The following JADE1 variants were observed in gnomAD, a reference collection of about 807,000 sequenced individuals.
The protein encoded by JADE1 is protein Jade-1.
In JADE1, 14 loss-of-function variants were observed where a neutral mutation model predicts 81.8. The ratio of observed to expected loss-of-function variants is 0.17; its 90% confidence interval spans 0.11 to 0.27. JADE1 has a LOEUF of 0.27. Among genes scored for constraint, JADE1 ranks in the 10% least tolerant of loss-of-function variants. JADE1 has a pLI of 1.00. For synonymous variants in JADE1, 353 were observed against 391.9 expected (o/e 0.90, Z 1.17); for missense variants, 690 against 1,047.9 (o/e 0.66, Z 4.71).
rs541702058 is a variant in JADE1, at chr4:128,849,652, C to G, written c.484+485C>G. On this transcript the variant is annotated intron_variant, in intron 5 of 10. Transcript: ENST00000226319. ...GATTTTCCTTATGTCATGCTGCAAA[C>G]CTGGAGTTCTTTTTCCCTCCGTTTA... 1.5e-3 allele frequency among the ~76,000 whole-genome samples: 225 copies of G among 152,322 alleles called. 1 individual carries two copies. Among genetic ancestry groups the G allele is most frequent in the Admixed American group, 2.2e-3 (34 of 15,292 alleles).
At chr4:128,818,717 G>A (rs1437371577) in intron 1 of JADE1, among the ~76,000 whole-genome samples, 1 of 152,186 alleles carries the variant, frequency 6.6e-6, no homozygotes, top group Admixed American at 6.5e-5. Flanking sequence ...GATATTTATG[G>A]ATATAGAAAT....
intron 2 of JADE1, among the ~76,000 whole-genome samples, chr4:128,833,050 T>A (rs1296771846): frequency 6.6e-6 from 1 of 152,162 alleles, no homozygotes; most frequent in Non-Finnish European, 1.5e-5. Context: ...CTGCTGATGT[T>A]GGCAGCAGGA....
intron 10 of JADE1, among the ~76,000 whole-genome samples, chr4:128,869,845 C>T (rs976498173): frequency 2.0e-5 from 3 of 152,150 alleles, no homozygotes; most frequent in Non-Finnish European, 4.4e-5. Context: ...CTTTAGGGTG[C>T]TTTTTTTCTT....
At position 128,831,818 on chromosome 4, in the gene JADE1, C is replaced by T; in HGVS notation, c.52+8C>T. On this transcript the variant is annotated splice_region_variant and intron_variant, in intron 2 of 10. Coordinates refer to ENST00000226319, the MANE Select transcript of JADE1 (RefSeq NM_199320.4). ...ATTCTGACGACAATGGCAGTAAGTCCTGCTTTGTTGTTCTTGGAGCCTACC... is the reference window on the plus strand; with the variant it reads ...ATTCTGACGACAATGGCAGTAAGTCTTGCTTTGTTGTTCTTGGAGCCTACC... 6.2e-7 allele frequency: 1 copy of T among 1,613,216 alleles called. No homozygotes were observed. The highest frequency in any genetic ancestry group is 8.5e-7 in the Non-Finnish European group (1 of 1,179,188).
chr4:128,846,569 C>G lies in JADE1; in HGVS notation c.296+37C>G. On this transcript the variant is annotated intron_variant, in intron 4 of 10. Transcript: ENST00000226319. The surrounding 1 kb of genome is among the most constrained non-coding windows in gnomAD (Gnocchi z 4.0). Reference sequence around the variant, plus strand: ...CTGAGGACAGAAGCCTCTCCACCCACCCTTGCTCTTCTTCCCTGACAGCAG... The same window carrying G: ...CTGAGGACAGAAGCCTCTCCACCCAGCCTTGCTCTTCTTCCCTGACAGCAG... 3 of 1,607,188 alleles carry G rather than the reference C, an allele frequency of 1.9e-6. No individual in the cohort carries two copies. The highest frequency in any genetic ancestry group is 1.1e-5 in the South Asian group (1 of 90,822).
At chr4:128,847,135 G>A (rs1485401244) in intron 4 of JADE1, among the ~76,000 whole-genome samples, 2 of 152,126 alleles carry the variant, frequency 1.3e-5, no homozygotes, top group Non-Finnish European at 2.9e-5. Flanking sequence ...AGTCCCTGCC[G>A]ACTCTCCTCA....
intron 2 of JADE1, among the ~76,000 whole-genome samples, chr4:128,837,934 A>G (rs935861753): frequency 6.6e-6 from 1 of 152,236 alleles, no homozygotes; most frequent in South Asian, 2.1e-4. Flanking sequence ...CCTTTCATGC[A>G]TGGCACAACA....
chr4:128,831,605 C>A, intron 1 of JADE1, 128 bp from the exon 2 acceptor site: 1 of 733,078 alleles, frequency 1.4e-6, no homozygotes, highest in Non-Finnish European at 2.4e-6. Flanking sequence ...TTACTGTTTA[C>A]AATTCAAATG....
chr4:128,862,453 A>G (rs1579231808), intron 9 of JADE1: 4 of 1,395,634 alleles, frequency 2.9e-6, no homozygotes, highest in Admixed American at 3.0e-5. Context: ...TTTTTTTTTA[A>G]AAACACTTTC....
chr4:128,812,857 T>A (rs1726606216), intron 1 of JADE1, among the ~76,000 whole-genome samples: 1 of 152,254 alleles, frequency 6.6e-6, no homozygotes, highest in African/African-American at 2.4e-5. Context: ...AATTTTCTTT[T>A]GTAAAATGAC....
intron 5 of JADE1, among the ~76,000 whole-genome samples, chr4:128,850,027 C>T (rs1210224400): frequency 6.6e-6 from 1 of 152,112 alleles, no homozygotes; most frequent in Non-Finnish European, 1.5e-5. Flanking sequence ...GGCTTGTTGG[C>T]TCATGTCTGT....
At chr4:128,834,530 CTTTTTTTTTTT>C (rs202245727) in intron 2 of JADE1, among the ~76,000 whole-genome samples, 5 of 99,220 alleles carry the variant, frequency 5.0e-5, no homozygotes, top group African/African-American at 1.8e-4. Context: ...CCAAATATTT[CTTTTTTTTTTT>C]TTTTTTTTTT....
intron 1 of JADE1, chr4:128,810,436 G>C (rs1726238444): frequency 6.8e-6 from 1 of 147,780 alleles, no homozygotes; most frequent in Non-Finnish European, 1.5e-5. Flanking sequence ...GTTTAAGTTG[G>C]CTTTAGTTTA....
chr4:128,855,853 C>G (rs886293358), intron 7 of JADE1, 56 bp downstream of exon 7: 15 of 1,484,462 alleles, frequency 1.0e-5, no homozygotes, highest in Non-Finnish European at 1.3e-5. Context: ...GAGTTTAACT[C>G]TGTCGCCCAG....
intron 1 of JADE1, among the ~76,000 whole-genome samples, chr4:128,823,442 G>A (rs140166950): frequency 3.3e-5 from 5 of 152,306 alleles, no homozygotes; most frequent in African/African-American, 1.2e-4. Flanking sequence ...GGCTTTATGA[G>A]TAATGCTCCT....
At chr4:128,855,874 A>G in intron 7 of JADE1, 77 bp downstream of exon 7, 1 of 1,328,818 alleles carries the variant, frequency 7.5e-7, no homozygotes, top group Non-Finnish European at 1.0e-6. Flanking sequence ...GCTGGAGTGC[A>G]GTGAGCTGGA....
At chr4:128,832,728 G>A (rs371974694) in intron 2 of JADE1, among the ~76,000 whole-genome samples, 7 of 152,220 alleles carry the variant, frequency 4.6e-5, no homozygotes, top group African/African-American at 1.4e-4. Context: ...GGAGATGAAA[G>A]TTGTATAGAT....
At chr4:128,853,055 C>A (rs1413476449) in intron 6 of JADE1, among the ~76,000 whole-genome samples, 3 of 152,004 alleles carry the variant, frequency 2.0e-5, no homozygotes, top group South Asian at 2.1e-4. Flanking sequence ...GCCACCACAC[C>A]TGGCTAGAGA....
At chr4:128,866,279 TTAAAA>T (rs1420667125) in intron 9 of JADE1, among the ~76,000 whole-genome samples, 3 of 152,168 alleles carry the variant, frequency 2.0e-5, no homozygotes, top group African/African-American at 7.2e-5. Flanking sequence ...TTCTTTAAAT[TTAAAA>T]TAAGACAGGA....
Sources: allele counts gnomAD v4.1 joint callset (sites outside exome capture counted in the v4.1 genomes callset), GRCh38; gene constraint gnomAD v4.1.1; non-coding constraint Gnocchi (gnomAD v3.1); transcripts MANE v1.5; gene names NCBI Gene and HGNC (gene_info 2026-07-23, HGNC 2026-07-21).